Variants in KIAA0513 observed in about 807,000 individuals in gnomAD.
The protein encoded by KIAA0513 is KIAA0513.
KIAA0513 carries 39 observed loss-of-function variants against 56.5 expected under a neutral mutation model. The ratio of observed to expected loss-of-function variants is 0.69; its 90% CI spans 0.53 to 0.90. The LOEUF (loss-of-function observed/expected upper bound fraction) is 0.90. KIAA0513 is among the 40% of genes least tolerant of loss of function. The pLI is 0.00. For missense variants in KIAA0513, 591 were observed against 535.2 expected (o/e 1.10, Z -1.03); for synonymous variants, 268 against 215.6 (o/e 1.24, Z -2.13).
intron 2 of KIAA0513, among the ~76,000 whole-genome samples, chr16:85,068,258 A>G (rs2073518888): frequency 6.7e-6 from 1 of 150,330 alleles, no homozygotes; most frequent in South Asian, 2.1e-4. Flanking sequence ...CTGAGTTCAA[A>G]CAATTCTCCT....
Position 85,090,567 on chromosome 16 carries a change from ACT to A in KIAA0513, c.*2245_*2246del, listed in dbSNP as rs1174432577. On this transcript the variant is annotated 3_prime_UTR_variant, in exon 13 of 13. Transcript: ENST00000683363. ...TCTTGACACTTTTTTCTCCACATAG[ACT>A]CTTGAAATAGCCATTTCAGGGGAGG... 1 of 151,490 alleles carries A rather than the reference ACT, an allele frequency of 6.6e-6. No individual in the cohort carries two copies. Among genetic ancestry groups the A allele is most frequent in the Non-Finnish European group, 1.5e-5 (1 of 67,876 alleles). 9.4% of individuals were successfully genotyped at this position (151,490 alleles called of 1,614,324 possible).
chr16:85,058,089 G>A (rs888964832), intron 1 of KIAA0513, among the ~76,000 whole-genome samples: 15 of 152,166 alleles, frequency 9.9e-5, no homozygotes, highest in African/African-American at 3.6e-4. Flanking sequence ...TACAGCACGC[G>A]GATGCTATTT....
chr16:85,036,446 C>T (rs1032539405), intron 1 of KIAA0513, among the ~76,000 whole-genome samples: 3 of 152,184 alleles, frequency 2.0e-5, no homozygotes, highest in Non-Finnish European at 4.4e-5. Flanking sequence ...GGCCTTGTAA[C>T]TAGATTCATT....
At chr16:85,068,164 T>G (rs1012156050) in intron 2 of KIAA0513, among the ~76,000 whole-genome samples, 7 of 147,668 alleles carry the variant, frequency 4.7e-5, no homozygotes, top group Admixed American at 2.0e-4. Context: ...CACGCATTCT[T>G]TTTTTTTTTT....
intron 1 of KIAA0513, among the ~76,000 whole-genome samples, chr16:85,029,532 G>A (rs1163930823): frequency 1.3e-5 from 2 of 152,212 alleles, no homozygotes; most frequent in African/African-American, 4.8e-5. Flanking sequence ...CTTCTTCAAA[G>A]GTGAATTGCT....
chr16:85,029,413 A>G (rs1467462398), intron 1 of KIAA0513, among the ~76,000 whole-genome samples: 1 of 152,280 alleles, frequency 6.6e-6, no homozygotes, highest in Non-Finnish European at 1.5e-5. Flanking sequence ...ATGAGAAGCC[A>G]CTAGGTGACT....
chr16:85,051,254 C>T (rs763534671), intron 1 of KIAA0513, among the ~76,000 whole-genome samples: 5 of 152,198 alleles, frequency 3.3e-5, no homozygotes, highest in African/African-American at 9.7e-5. Context: ...GTTGGGGAAC[C>T]AGCAGATGGC....
intron 1 of KIAA0513, among the ~76,000 whole-genome samples, chr16:85,044,843 G>A (rs562039926): frequency 7.7e-4 from 117 of 152,146 alleles, no homozygotes; most frequent in Admixed American, 3.4e-3. Context: ...ATTTGGCCGG[G>A]TGTGGTGGCT....
intron 1 of KIAA0513, among the ~76,000 whole-genome samples, chr16:85,028,640 G>A (rs1314196075): frequency 6.6e-6 from 1 of 151,988 alleles, no homozygotes; most frequent in African/African-American, 2.4e-5. Context: ...CTTGTCCTGG[G>A]TTTGTGCTTT....
chr16:85,051,322 G>A (rs1043540176), intron 1 of KIAA0513, among the ~76,000 whole-genome samples: 23 of 151,940 alleles, frequency 1.5e-4, no homozygotes, highest in Admixed American at 6.6e-5. Context: ...TCCTCTTCCC[G>A]GAGGTCATAA....
At chr16:85,057,711 T>C (rs528099403) in intron 1 of KIAA0513, among the ~76,000 whole-genome samples, 50 of 152,034 alleles carry the variant, frequency 3.3e-4, no homozygotes, top group African/African-American at 1.1e-3. Flanking sequence ...CTAGCCCGTA[T>C]GCCAGTGCCT....
rs1407068632 is a variant in KIAA0513 at position 85,038,723 on chromosome 16, ATAAT to A, written c.-173+10866_-173+10869del. 9.7e-3 allele frequency among the ~76,000 whole-genome samples: 1,112 copies of A among 115,000 alleles called. 79 individuals carry two copies. The highest frequency in any genetic ancestry group is 0.035 in the African/African-American group (977 of 27,550). 75.4% of individuals were successfully genotyped at this position (115,000 alleles called of 152,430 possible). A position where few individuals can be genotyped will look rare whatever the true frequency, so the allele number is the denominator to read the frequency against. On this transcript the variant is annotated intron_variant, in intron 1 of 12. Coordinates refer to ENST00000683363, the MANE Select transcript of KIAA0513 (RefSeq NM_001388359.1). ...ACTCAGCCTCAAAAAAAAAAAAAAA[ATAAT>A]AATAATAATATCTTTGTTGATAGAT...
intron 3 of KIAA0513, among the ~76,000 whole-genome samples, chr16:85,072,617 C>G (rs2073594186): frequency 6.6e-6 from 1 of 152,132 alleles, no homozygotes; most frequent in African/African-American, 2.4e-5. Flanking sequence ...TTGGAAACAG[C>G]CAGTGTTGTC....
chr16:85,077,009 A>C (rs1192861954), intron 5 of KIAA0513, among the ~76,000 whole-genome samples: 1 of 152,028 alleles, frequency 6.6e-6, no homozygotes, highest in Non-Finnish European at 1.5e-5. Flanking sequence ...GGTGCTGCCC[A>C]GACTCCTCCT....
chr16:85,037,930 C>G (rs985804288), intron 1 of KIAA0513, among the ~76,000 whole-genome samples: 1 of 152,232 alleles, frequency 6.6e-6, no homozygotes, highest in African/African-American at 2.4e-5. Flanking sequence ...GGTCCTGCAT[C>G]TGTTCTTGCT....
chr16:85,072,028 C>T (rs1374403728), intron 3 of KIAA0513, 146 bp downstream of exon 3: 3 of 617,290 alleles, frequency 4.9e-6, no homozygotes, highest in African/African-American at 3.7e-5. Flanking sequence ...TAAAACTTAT[C>T]CAAAAATACT....
At chr16:85,073,592 A>G (rs886941328) in intron 4 of KIAA0513, among the ~76,000 whole-genome samples, 32 of 152,346 alleles carry the variant, frequency 2.1e-4, no homozygotes, top group African/African-American at 7.7e-4. Context: ...CCCTCTTCTC[A>G]GGAGCATGAC....
chr16:85,050,616 G>T (rs555910282), intron 1 of KIAA0513, among the ~76,000 whole-genome samples: 1 of 152,074 alleles, frequency 6.6e-6, no homozygotes, highest in Non-Finnish European at 1.5e-5. Flanking sequence ...GTGCCCAGCC[G>T]AGCTGTTGAT....
intron 1 of KIAA0513, among the ~76,000 whole-genome samples, chr16:85,066,146 C>T (rs1193253208): frequency 1.3e-5 from 2 of 152,180 alleles, no homozygotes; most frequent in East Asian, 1.9e-4. Flanking sequence ...ACAGAGGAGT[C>T]AGTCATTCAT....
Sources: gnomAD v4.1 joint callset for allele counts (sites outside exome capture counted in the v4.1 genomes callset) on GRCh38, gnomAD v4.1.1 for gene constraint, MANE v1.5 for transcripts, NCBI Gene and HGNC (gene_info 2026-07-23, HGNC 2026-07-21) for gene names.